Variants in LOC131768270 observed in about 807,000 individuals in gnomAD.
chr5:140,567,857 C>T, the LOC131768270 span: 9 of 1,614,182 alleles, frequency 5.6e-6, no homozygotes, highest in South Asian at 6.6e-5. Flanking sequence ...TTTTGGTGTG[C>T]TTCTGAATCT....
At chr5:140,566,538 A>T in the LOC131768270 span, 1 of 412,132 alleles carries the variant, frequency 2.4e-6, no homozygotes, top group East Asian at 3.5e-5. Flanking sequence ...AGCCTAGCTA[A>T]GTTTCCTTCT....
the LOC131768270 span, chr5:140,566,894 G>A: frequency 1.6e-6 from 1 of 621,088 alleles, no homozygotes. Context: ...CTCCCTTCCT[G>A]CAGATTGTGG....
At chr5:140,567,218 G>T in the LOC131768270 span, 2 of 1,614,152 alleles carry the variant, frequency 1.2e-6, no homozygotes, top group Non-Finnish European at 1.7e-6. Context: ...TCCCAGGCAG[G>T]CCCGCTGGAC....
chr5:140,565,598 C>G, the LOC131768270 span: 17 of 244,606 alleles, frequency 6.9e-5, no homozygotes, highest in Non-Finnish European at 1.3e-4. Context: ...GCTGTCCCTC[C>G]TGCCTTTCCT....
chr5:140,567,075 G>A, the LOC131768270 span: 1 of 1,583,466 alleles, frequency 6.3e-7, no homozygotes, highest in South Asian at 1.1e-5. Context: ...ATGTTCCACG[G>A]CTTCTCCTTC....
At chr5:140,567,147 G>A in the LOC131768270 span, 1 of 1,614,112 alleles carries the variant, frequency 6.2e-7, no homozygotes, top group Non-Finnish European at 8.5e-7. Flanking sequence ...CTGCCCCTTA[G>A]CCACCCAGGG....
the LOC131768270 span, among the ~76,000 whole-genome samples, chr5:140,566,392 A>G: frequency 8.5e-4 from 130 of 152,226 alleles, no homozygotes; most frequent in African/African-American, 3.0e-3. Context: ...GTGTGATCAG[A>G]ACTGCTTGGT....
At chr5:140,565,864 T>C in the LOC131768270 span, 1 of 398,934 alleles carries the variant, frequency 2.5e-6, no homozygotes, top group Admixed American at 4.4e-5. Flanking sequence ...AGCCTCTCGC[T>C]TGTCCTAGGA....
At chr5:140,569,015 CTCAA>C in the LOC131768270 span, 1 of 167,070 alleles carries the variant, frequency 6.0e-6, no homozygotes, top group South Asian at 2.1e-4. Flanking sequence ...AAACCTGTAG[CTCAA>C]TCAGTGTCTC....
the LOC131768270 span, chr5:140,567,882 G>A: frequency 6.2e-7 from 1 of 1,614,192 alleles, no homozygotes; most frequent in Non-Finnish European, 8.5e-7. Context: ...CTGCATGCTG[G>A]CGGCGGCTCT....
the LOC131768270 span, chr5:140,564,924 CG>C: frequency 3.1e-6 from 1 of 325,814 alleles, no homozygotes; most frequent in Non-Finnish European, 5.5e-6. The surrounding 1 kb of genome is among the most constrained non-coding windows in gnomAD (Gnocchi z 5.0). Flanking sequence ...TTTTTAGTTC[CG>C]GGGAGAAGCG....
the LOC131768270 span, chr5:140,565,943 A>C: frequency 7.5e-6 from 3 of 398,794 alleles, no homozygotes; most frequent in South Asian, 3.8e-4. Flanking sequence ...CGGCGTGTAG[A>C]AGACGAAGTC....
chr5:140,567,573 G>C, the LOC131768270 span: 3 of 1,614,172 alleles, frequency 1.9e-6, no homozygotes, highest in South Asian at 3.3e-5. Context: ...CTCTGCCTCC[G>C]GCACCGCCTC....
the LOC131768270 span, chr5:140,565,067 C>T: frequency 2.5e-6 from 1 of 397,030 alleles, no homozygotes; most frequent in African/African-American, 2.1e-5. Flanking sequence ...CCCAGATGTC[C>T]CCTCCTGGGA....
chr5:140,567,398 C>T, the LOC131768270 span: 2 of 1,614,170 alleles, frequency 1.2e-6, no homozygotes, highest in Non-Finnish European at 1.7e-6. Flanking sequence ...GCAAGCATGG[C>T]CCCAGGGGCC....
At chr5:140,565,271 ATCAC>A in the LOC131768270 span, 2 of 189,250 alleles carry the variant, frequency 1.1e-5, no homozygotes, top group East Asian at 2.6e-4. Context: ...TGCGATCAAA[ATCAC>A]TCAGTCCATT....
chr5:140,567,425 G>C, the LOC131768270 span: 2 of 1,614,118 alleles, frequency 1.2e-6, no homozygotes, highest in South Asian at 1.1e-5. Flanking sequence ...CTGGCGCCAG[G>C]CTGCTCCCTT....
At chr5:140,567,416 T>G in the LOC131768270 span, 24 of 1,614,126 alleles carry the variant, frequency 1.5e-5, no homozygotes, top group South Asian at 2.1e-4. Context: ...GCCCCCACCC[T>G]GGCGCCAGGC....
chr5:140,566,773 C>T, the LOC131768270 span: 2 of 599,254 alleles, frequency 3.3e-6, no homozygotes. Context: ...CTCTAGGTGC[C>T]ATGGAAGAGG....
Sources: allele counts gnomAD v4.1 joint callset (sites outside exome capture counted in the v4.1 genomes callset), GRCh38; gene constraint gnomAD v4.1.1; non-coding constraint Gnocchi (gnomAD v3.1); transcripts MANE v1.5.